PTPRO: variants seen among roughly 807,000 people sequenced by gnomAD.
The protein encoded by PTPRO is receptor-type tyrosine-protein phosphatase O.
PTPRO carries 62 observed loss-of-function variants against 145.2 expected under a neutral mutation model. That is an observed-to-expected ratio of 0.43 (90% CI 0.35 to 0.53). The LOEUF is 0.53. PTPRO is among the 20% of genes least tolerant of loss of function. PTPRO has a pLI of 0.01. For missense variants in PTPRO, 1,345 were observed against 1,482.7 expected, an observed-to-expected ratio of 0.91 and a Z score of 1.53; for synonymous variants, 565 against 514.7, an observed-to-expected ratio of 1.10 and a Z score of -1.32.
At chr12:15,373,689 A>G (rs572009906) in intron 1 of PTPRO, among the ~76,000 whole-genome samples, 72 of 152,340 alleles carry the variant, frequency 4.7e-4, no homozygotes, top group African/African-American at 1.7e-3. Flanking sequence ...ATCATTTTAT[A>G]TAACATAGAA....
Position 15,580,814 on chromosome 12 carries a change from T to G in PTPRO, c.3115T>G (p.Cys1039Gly). The G allele has an allele frequency of 6.2e-7, 1 of 1,613,924 alleles. No homozygotes were observed. The highest frequency in any genetic ancestry group is 8.5e-7 in the Non-Finnish European group (1 of 1,179,870). Residue 1039 changes from cysteine to glycine, a missense_variant, in exon 22 of 27, where the codon TGT (cysteine) becomes GGT (glycine). Cys to Gly is a radical substitution (Grantham distance 159). Coordinates refer to ENST00000281171, the MANE Select transcript of PTPRO (RefSeq NM_030667.3). ...KSQIIVMLTQCNEKRRVKCDH... is the reference protein window; with the variant it reads ...KSQIIVMLTQGNEKRRVKCDH... ...TCAGATTATTGTCATGCTCACTCAGTGTAATGAGAAAAGGAGGGTACGTAC... is the reference window on the plus strand; with the variant it reads ...TCAGATTATTGTCATGCTCACTCAGGGTAATGAGAAAAGGAGGGTACGTAC...
At chr12:15,337,179 A>G (rs1866792595) in intron 1 of PTPRO, among the ~76,000 whole-genome samples, 1 of 152,226 alleles carries the variant, frequency 6.6e-6, no homozygotes, top group South Asian at 2.1e-4. Flanking sequence ...CAGGAATAGT[A>G]GAGACTTCAG....
chr12:15,391,498 C>T (rs1360107535), intron 1 of PTPRO, among the ~76,000 whole-genome samples: 1 of 152,206 alleles, frequency 6.6e-6, no homozygotes, highest in Non-Finnish European at 1.5e-5. Context: ...TATTTGTCCA[C>T]TCACATTTTC....
intron 1 of PTPRO, among the ~76,000 whole-genome samples, chr12:15,404,002 C>T (rs1341967346): frequency 2.0e-5 from 3 of 151,866 alleles, no homozygotes; most frequent in Admixed American, 6.5e-5. Context: ...CGAGACCATC[C>T]TGGCTAACAC....
chr12:15,543,050 ACTTT>A (rs1943211632), intron 12 of PTPRO, among the ~76,000 whole-genome samples: 1 of 152,236 alleles, frequency 6.6e-6, no homozygotes, highest in Admixed American at 6.5e-5. Flanking sequence ...AATTGTAATA[ACTTT>A]CTTTGTTTCC....
chr12:15,350,826 T>C (rs1937778201), intron 1 of PTPRO, among the ~76,000 whole-genome samples: 1 of 152,218 alleles, frequency 6.6e-6, no homozygotes, highest in African/African-American at 2.4e-5. Flanking sequence ...CCCATTGATA[T>C]CAGTGGAAGC....
intron 16 of PTPRO, among the ~76,000 whole-genome samples, chr12:15,558,732 A>G (rs1169599421): frequency 6.6e-6 from 1 of 152,222 alleles, no homozygotes; most frequent in East Asian, 1.9e-4. Context: ...GAGACTGGAA[A>G]TTTTACAGAA....
At chr12:15,437,866 G>T (rs1325638743) in intron 1 of PTPRO, among the ~76,000 whole-genome samples, 1 of 152,214 alleles carries the variant, frequency 6.6e-6, no homozygotes, top group African/African-American at 2.4e-5. Flanking sequence ...CCTCCAGGCA[G>T]ACCTGCCCAA....
At chr12:15,499,633 T>C (rs1942176990) in intron 4 of PTPRO, 39 bp downstream of exon 4, 2 of 1,583,818 alleles carry the variant, frequency 1.3e-6, no homozygotes, top group South Asian at 2.2e-5. Flanking sequence ...GAAAAAATAA[T>C]TCAGTTATAT....
chr12:15,576,233 A>G (rs1041475979), intron 19 of PTPRO, among the ~76,000 whole-genome samples: 17 of 152,212 alleles, frequency 1.1e-4, no homozygotes, highest in African/African-American at 4.1e-4. Context: ...TGGAAACTTA[A>G]TATTTTATTT....
At chr12:15,369,527 A>G (rs774551980) in intron 1 of PTPRO, among the ~76,000 whole-genome samples, 1 of 152,226 alleles carries the variant, frequency 6.6e-6, no homozygotes, top group East Asian at 1.9e-4. Flanking sequence ...TTGATGGGCC[A>G]TTAATTCAAA....
intron 1 of PTPRO, among the ~76,000 whole-genome samples, chr12:15,323,542 C>A (rs1044869623): frequency 6.6e-6 from 1 of 152,188 alleles, no homozygotes; most frequent in Non-Finnish European, 1.5e-5. Flanking sequence ...TTTGAAAAAT[C>A]AGTTTGACAA....
chr12:15,588,102 A>G (rs991393541), intron 24 of PTPRO, among the ~76,000 whole-genome samples: 1 of 152,220 alleles, frequency 6.6e-6, no homozygotes, highest in African/African-American at 2.4e-5. Flanking sequence ...TGTTCTCAAA[A>G]TGGTTCTTTT....
chr12:15,497,506 T>C, intron 3 of PTPRO, 103 bp downstream of exon 3: 6 of 1,247,580 alleles, frequency 4.8e-6, no homozygotes, highest in Non-Finnish European at 6.9e-6. Flanking sequence ...TATAATTCAC[T>C]ATTTGACCTA....
At chr12:15,497,450 A>G (rs1294754774) in intron 3 of PTPRO, 47 bp downstream of exon 3, 1 of 1,582,242 alleles carries the variant, frequency 6.3e-7, no homozygotes. Flanking sequence ...CTCACTTTTT[A>G]CAAAGCTTTT....
At chr12:15,567,956 G>A (rs544652190) in intron 18 of PTPRO, among the ~76,000 whole-genome samples, 11 of 152,250 alleles carry the variant, frequency 7.2e-5, no homozygotes, top group African/African-American at 2.2e-4. Flanking sequence ...GAAGTGTAGC[G>A]TGTTTTATAA....
chr12:15,543,615 G>A (rs1027233087), intron 12 of PTPRO, among the ~76,000 whole-genome samples: 1 of 152,120 alleles, frequency 6.6e-6, no homozygotes, highest in African/African-American at 2.4e-5. Context: ...AGTACCTATA[G>A]GTGGCTACTT....
chr12:15,561,265 T>G (rs1445524684), intron 17 of PTPRO, among the ~76,000 whole-genome samples: 1 of 151,994 alleles, frequency 6.6e-6, no homozygotes, highest in Non-Finnish European at 1.5e-5. Context: ...TATGGGGTGG[T>G]GGTGCGGGTA....
intron 1 of PTPRO, chr12:15,348,186 T>C (rs978698489): frequency 6.6e-6 from 1 of 152,184 alleles, no homozygotes; most frequent in African/African-American, 2.4e-5. Flanking sequence ...AGCTGGGCTC[T>C]CCAATCACCT....
Sources: gnomAD v4.1 joint callset for allele counts (sites outside exome capture counted in the v4.1 genomes callset) on GRCh38, gnomAD v4.1.1 for gene constraint, MANE v1.5 for transcripts, NCBI Gene and HGNC (gene_info 2026-07-23, HGNC 2026-07-21) for gene names.